EMSY: variants seen among roughly 807,000 people sequenced by gnomAD.
The protein encoded by EMSY is EMSY transcriptional repressor, BRCA2 interacting.
EMSY carries 26 observed loss-of-function variants against 134.6 expected under a neutral mutation model. That is an observed-to-expected ratio of 0.19 (90% CI 0.14 to 0.27). The LOEUF (loss-of-function observed/expected upper bound fraction) is 0.27, where lower values mean the gene tolerates loss of function less well. EMSY is among the 10% of genes least tolerant of loss of function. The pLI is 1.00. For missense variants in EMSY, 1,305 were observed against 1,611.4 expected (o/e 0.81, Z 3.26); for synonymous variants, 579 against 577.8 (o/e 1.00, Z -0.03).
intron 11 of EMSY, 75 bp downstream of exon 12, chr11:76,516,387 G>T (rs1426085282): frequency 2.7e-6 from 3 of 1,113,458 alleles, no homozygotes; most frequent in Non-Finnish European, 3.7e-6. Context: ...CTTCATTGAA[G>T]GATTATATTT....
In EMSY at chr11:76,510,989, C is replaced by T. The variant is rs137899186; in HGVS notation, c.1364-2397C>T. Among the ~76,000 whole-genome samples the T allele has an allele frequency of 3.9e-3, 594 of 152,262 alleles. 5 individuals are homozygous for T. The highest frequency in any genetic ancestry group is 0.014 in the African/African-American group (561 of 41,540). ...TTTTTCATTTATTATTTGCCCTTGG[C>T]ACGATTTCTGGACCCTTTCAATGGT... On this transcript the variant is annotated intron_variant, in intron 9 of 20. Coordinates refer to ENST00000334736, the Ensembl canonical transcript of EMSY.
chr11:76,515,130 A>T (rs1260919091), intron 10 of EMSY, among the ~76,000 whole-genome samples: 1 of 130,658 alleles, frequency 7.7e-6, no homozygotes, highest in Non-Finnish European at 1.6e-5. Context: ...AATTCTACTT[A>T]TTGTTCCTCC....
intron 8 of EMSY, among the ~76,000 whole-genome samples, chr11:76,493,864 G>A (rs1240402115): frequency 6.6e-6 from 1 of 152,216 alleles, no homozygotes; most frequent in East Asian, 1.9e-4. Context: ...AAACAGGGCT[G>A]AAACATGTTC....
chr11:76,507,557 A>G (rs999652115), intron 9 of EMSY, among the ~76,000 whole-genome samples: 4 of 152,198 alleles, frequency 2.6e-5, no homozygotes, highest in African/African-American at 9.6e-5. Context: ...CCATCTCAAG[A>G]AACCACATTC....
chr11:76,542,224 C>G, exon 18 of EMSY: 1 of 1,614,130 alleles, frequency 6.2e-7, no homozygotes, highest in East Asian at 2.2e-5. Context: ...AGTCAGCCAT[C>G]GCTCCCAGCC....
chr11:76,483,270 G>A (rs1373343551), intron 8 of EMSY, among the ~76,000 whole-genome samples: 1 of 152,058 alleles, frequency 6.6e-6, no homozygotes, highest in East Asian at 1.9e-4. Flanking sequence ...ACATGGAAAG[G>A]AAAAACCAGT....
intron 11 of EMSY, among the ~76,000 whole-genome samples, chr11:76,522,352 CTTTTTTTTTTTTTTTTT>C (rs71040003): frequency 4.5e-5 from 2 of 44,220 alleles, no homozygotes; most frequent in East Asian, 8.8e-4. Flanking sequence ...GTTTACTTTG[CTTTTTTTTTTTTTTTTT>C]TTTTTTTTTT....
At chr11:76,511,073 G>A (rs757640206) in intron 9 of EMSY, among the ~76,000 whole-genome samples, 9 of 152,014 alleles carry the variant, frequency 5.9e-5, no homozygotes, top group East Asian at 1.9e-4. Flanking sequence ...CGATGCCGCC[G>A]TGCCAGATAT....
chr11:76,549,890 T>C lies in EMSY; in HGVS notation c.3775-62T>C, dbSNP rs2136924257. ...CTTTTTTTTTTTTTTCTTGATATTG[T>C]TGGGGAAGTTATTCTGCTACCTTTT... On this transcript the variant is annotated intron_variant, in intron 20 of 20. Coordinates refer to ENST00000334736, the Ensembl canonical transcript of EMSY. 4 of 1,340,580 alleles carry C rather than the reference T, an allele frequency of 3.0e-6. No homozygotes were observed. In the East Asian group the frequency reaches 9.5e-5, roughly 32 times the overall value. 83.0% of individuals were successfully genotyped at this position (1,340,580 alleles called of 1,614,324 possible).
chr11:76,550,128 C>T (rs1474737584), exon 21 of EMSY: 3 of 1,612,380 alleles, frequency 1.9e-6, no homozygotes, highest in Admixed American at 1.7e-5. Context: ...CTTCTCAGAG[C>T]TCTGCTGAAC....
intron 9 of EMSY, among the ~76,000 whole-genome samples, chr11:76,506,627 T>C (rs1590926078): frequency 6.6e-6 from 1 of 151,906 alleles, no homozygotes. Flanking sequence ...TCACTCTTAA[T>C]AAGGGAAATG....
chr11:76,523,274 A>G (rs760799838), exon 12 of EMSY: 3 of 1,612,926 alleles, frequency 1.9e-6, no homozygotes, highest in Non-Finnish European at 2.5e-6. Context: ...TGTTGTCACA[A>G]CGTTGCTAAA....
intron 10 of EMSY, among the ~76,000 whole-genome samples, chr11:76,515,206 TG>T (rs75903485): frequency 0.24 from 34,707 of 144,502 alleles, 4,407 homozygotes; most frequent in East Asian, 0.41. Context: ...AGCATTTTTT[TG>T]GGGGGGGGGA....
chr11:76,491,436 C>T (rs985210845), intron 8 of EMSY, among the ~76,000 whole-genome samples: 3 of 152,098 alleles, frequency 2.0e-5, no homozygotes, highest in African/African-American at 2.4e-5. Flanking sequence ...CCTGCCTAGC[C>T]TCCCAAAGTG....
At position 76,498,567 on chromosome 11, in the gene EMSY, C is replaced by T. The variant is rs150401000; in HGVS notation, c.1363+2098C>T. On this transcript the variant is annotated intron_variant, in intron 9 of 20. Transcript: ENST00000334736. Reference sequence around the variant, plus strand: ...TGTCTTCCTGGTATATTGATCCTGTCTCATTATGTAGCGTTCCTTTTTTTC... The same window carrying T: ...TGTCTTCCTGGTATATTGATCCTGTTTCATTATGTAGCGTTCCTTTTTTTC... Among the ~76,000 whole-genome samples, 4 of 152,148 alleles carry T rather than the reference C, an allele frequency of 2.6e-5. No individual in the cohort carries two copies. The East Asian group carries it at 7.7e-4, about 29-fold the overall frequency.
exon 20 of EMSY, chr11:76,545,977 A>G: frequency 6.2e-7 from 1 of 1,614,206 alleles, no homozygotes; most frequent in Middle Eastern, 1.6e-4. Flanking sequence ...CATTTTGAAA[A>G]TGTCTTTGAT....
intron 4 of EMSY, 24 bp from the exon 5 acceptor site, chr11:76,454,725 C>T: frequency 7.0e-7 from 1 of 1,420,344 alleles, no homozygotes; most frequent in South Asian, 1.3e-5. Flanking sequence ...ATTTAGTCTC[C>T]TTTTCCTTTT....
At chr11:76,463,207 C>T (rs1293506404) in intron 6 of EMSY, among the ~76,000 whole-genome samples, 1 of 152,106 alleles carries the variant, frequency 6.6e-6, no homozygotes, top group Non-Finnish European at 1.5e-5. Flanking sequence ...ATCCCAGCTA[C>T]TTGGGAGGCT....
At chr11:76,488,940 C>A (rs996038810) in intron 8 of EMSY, among the ~76,000 whole-genome samples, 1 of 152,188 alleles carries the variant, frequency 6.6e-6, no homozygotes, top group African/African-American at 2.4e-5. Context: ...AAAAATCTTT[C>A]CTAGAAGTCT....
Sources: allele counts gnomAD v4.1 joint callset (sites outside exome capture counted in the v4.1 genomes callset), GRCh38; gene constraint gnomAD v4.1.1; transcripts MANE v1.5; gene names NCBI Gene and HGNC (gene_info 2026-07-23, HGNC 2026-07-21).